The following CACNG3 variants were observed in gnomAD, a reference collection of about 807,000 sequenced individuals.
CACNG3 encodes calcium voltage-gated channel auxiliary subunit gamma 3.
Under a neutral mutation model 28.5 loss-of-function variants are expected in CACNG3, and 3 were observed. The observed-to-expected ratio is 0.11, with a 90% CI of 0.05 to 0.27. CACNG3 has a LOEUF of 0.27. CACNG3 is among the 10% of genes least tolerant of loss of function. The pLI, the probability that CACNG3 is intolerant of heterozygous loss-of-function variation, is 1.00. For missense variants in CACNG3, 236 were observed against 414.4 expected, an observed-to-expected ratio of 0.57 and a Z score of 3.74; for synonymous variants, 174 against 162.2, an observed-to-expected ratio of 1.07 and a Z score of -0.55.
At position 24,256,760 on chromosome 16, in the gene CACNG3, G is replaced by T; in HGVS notation, c.6G>T (p.Arg2Ser). The T allele has an allele frequency of 6.2e-7, 1 of 1,609,284 alleles. No individual in the cohort carries two copies. The highest frequency in any genetic ancestry group is 8.5e-7 in the Non-Finnish European group (1 of 1,175,678). Residue 2 changes from arginine to serine, a missense_variant, in exon 1 of 4, where the codon AGG becomes AGT. Arg to Ser is a moderately radical substitution (Grantham distance 110, BLOSUM62 -1). Around this residue, in one of 2 missense-constraint regions of CACNG3, gnomAD observed 120 missense variants for 263.4 expected, o/e 0.46. Coordinates refer to ENST00000005284, the MANE Select transcript of CACNG3 (RefSeq NM_006539.4). This position sits in a 1 kb window ranked among gnomAD's most constrained non-coding sequence, Gnocchi z 4.6. M[R>S]MCDRGIQMLI... The stretch of plus-strand genomic sequence containing the variant: ...CCAGAGTACCATGAAGAATTATGAG[G>T]ATGTGTGACAGAGGTATCCAGATGT...
At position 24,302,635 on chromosome 16, in the gene CACNG3, TTTTTGTTTTGTTTTG is replaced by T. The variant is rs60301738; in HGVS notation, c.212-44071_212-44057del. On this transcript the variant is annotated intron_variant, in intron 1 of 3. Transcript: ENST00000005284. ...ATGCCCAGCTAAATTTTTTTGTTTG[TTTTTGTTTTGTTTTG>T]TTTTGTTTTGTTTTGTTTTGTTTTG... is the stretch of plus-strand genomic sequence containing the variant. Among the ~76,000 whole-genome samples the T allele has an allele frequency of 7.0e-3, 1,046 of 148,754 alleles. 10 individuals carry two copies. The highest frequency in any genetic ancestry group is 0.023 in the African/African-American group (922 of 40,024).
chr16:24,338,864 T>C (rs1899744526), intron 1 of CACNG3, among the ~76,000 whole-genome samples: 1 of 152,210 alleles, frequency 6.6e-6, no homozygotes. Context: ...CTCCAGACCG[T>C]TAATCCTCTA....
chr16:24,286,579 A>G (rs1352873005), intron 1 of CACNG3, among the ~76,000 whole-genome samples: 1 of 152,184 alleles, frequency 6.6e-6, no homozygotes, highest in Non-Finnish European at 1.5e-5. Context: ...TGGCCCCCAG[A>G]GGACACTGCT....
intron 2 of CACNG3, among the ~76,000 whole-genome samples, chr16:24,352,346 A>T (rs1341000860): frequency 6.6e-6 from 1 of 151,694 alleles, no homozygotes; most frequent in East Asian, 1.9e-4. Context: ...TCCTCCATTC[A>T]CTCAGCACCT....
At chr16:24,304,475 C>A (rs985178430) in intron 1 of CACNG3, among the ~76,000 whole-genome samples, 9 of 152,092 alleles carry the variant, frequency 5.9e-5, no homozygotes, top group African/African-American at 2.2e-4. Flanking sequence ...CAAGAAATAG[C>A]ACCTGATAAG....
rs569447267 is a variant in CACNG3 at position 24,261,401 on chromosome 16, G to T, written c.211+4436G>T. 2.0e-5 allele frequency among the ~76,000 whole-genome samples: 3 copies of T among 152,280 alleles called. No individual in the cohort carries two copies. In the East Asian group the frequency reaches 5.8e-4, roughly 29 times the overall value. ...TTTACCTTGGAGAAATAGACACCAA[G>T]TGTGGCCCAATATTCCAAGTAAAGA... On this transcript the variant is annotated intron_variant, in intron 1 of 3. Coordinates refer to ENST00000005284, the MANE Select transcript of CACNG3 (RefSeq NM_006539.4).
chr16:24,349,954 C>G (rs887678094), intron 2 of CACNG3, among the ~76,000 whole-genome samples: 3 of 152,178 alleles, frequency 2.0e-5, no homozygotes, highest in African/African-American at 7.2e-5. Context: ...TTAGAAAGTC[C>G]TATTCAGACT....
At chr16:24,327,431 T>C (rs1186551966) in intron 1 of CACNG3, among the ~76,000 whole-genome samples, 1 of 67,454 alleles carries the variant, frequency 1.5e-5, no homozygotes, top group African/African-American at 6.5e-5. Context: ...TATGTGTGTG[T>C]GTGTGTGTAT....
At chr16:24,293,864 C>A (rs1408354492) in intron 1 of CACNG3, among the ~76,000 whole-genome samples, 3 of 152,116 alleles carry the variant, frequency 2.0e-5, no homozygotes, top group South Asian at 2.1e-4. Flanking sequence ...TCCTCCAAGA[C>A]CCTGCATCTG....
chr16:24,256,662 C>T lies in CACNG3; in HGVS notation c.-93C>T. On this transcript the variant is annotated 5_prime_UTR_variant, in exon 1 of 4. Coordinates refer to ENST00000005284, the MANE Select transcript of CACNG3 (RefSeq NM_006539.4). This position sits in a 1 kb window ranked among gnomAD's most constrained non-coding sequence, Gnocchi z 4.6. ...AGGAGACCTGAATTTTTGGAAGAGC[C>T]TGTACTAGGTTACCCGGCTGCAGAG... The T allele has an allele frequency of 2.4e-6, 2 of 827,046 alleles. No individual in the cohort carries two copies. The highest frequency in any genetic ancestry group is 4.2e-6 in the Non-Finnish European group (2 of 476,170). 51.2% of individuals were successfully genotyped at this position (827,046 alleles called of 1,614,324 possible).
At chr16:24,321,218 C>T (rs73556406) in intron 1 of CACNG3, among the ~76,000 whole-genome samples, 13,573 of 152,042 alleles carry the variant, frequency 0.089, 780 homozygotes, top group Admixed American at 0.19. Flanking sequence ...TTGTGTAATC[C>T]CAGCACTTTG....
intron 1 of CACNG3, among the ~76,000 whole-genome samples, chr16:24,320,002 C>G (rs932148731): frequency 6.6e-6 from 1 of 152,314 alleles, no homozygotes; most frequent in South Asian, 2.1e-4. Flanking sequence ...AACTCCTAAC[C>G]AAGTGATCTG....
chr16:24,273,512 T>C (rs1460229389), intron 1 of CACNG3, among the ~76,000 whole-genome samples: 1 of 152,238 alleles, frequency 6.6e-6, no homozygotes, highest in Non-Finnish European at 1.5e-5. Flanking sequence ...TTTTTCATCA[T>C]CAAGATTCAC....
At chr16:24,351,976 C>T (rs1000089204) in intron 2 of CACNG3, among the ~76,000 whole-genome samples, 1 of 151,724 alleles carries the variant, frequency 6.6e-6, no homozygotes, top group South Asian at 2.1e-4. Flanking sequence ...CCACCACGCC[C>T]GGCTAATTTT....
intron 1 of CACNG3, among the ~76,000 whole-genome samples, chr16:24,324,959 C>T (rs1281248052): frequency 6.6e-6 from 1 of 152,162 alleles, no homozygotes; most frequent in African/African-American, 2.4e-5. Flanking sequence ...TCACTCTGAG[C>T]CCCTTATGTT....
At chr16:24,346,883 C>T (rs1377437948) in intron 2 of CACNG3, 66 bp downstream of exon 2, 1 of 1,277,808 alleles carries the variant, frequency 7.8e-7, no homozygotes, top group African/African-American at 1.5e-5. Flanking sequence ...CACTCAGCTG[C>T]CTCTGAGTCG....
intron 1 of CACNG3, among the ~76,000 whole-genome samples, chr16:24,313,064 C>CG: frequency 1.6e-5 from 1 of 61,034 alleles, no homozygotes; most frequent in Admixed American, 1.6e-4. Context: ...AGAGAGAAAG[C>CG]GAGGGAGGGA....
Position 24,299,518 on chromosome 16 carries a change from C to A in CACNG3, c.211+42553C>A, listed in dbSNP as rs563370402. Among the ~76,000 whole-genome samples the A allele has an allele frequency of 1.8e-3, 280 of 152,244 alleles. 2 individuals are homozygous for A. The highest frequency in any genetic ancestry group is 6.5e-3 in the African/African-American group (272 of 41,538). ...TTTGACTGGAGAATGGTATTAGAAACCAAGATCTGAGTGCTGGGTGTGCTC... is the reference window on the plus strand; with the variant it reads ...TTTGACTGGAGAATGGTATTAGAAAACAAGATCTGAGTGCTGGGTGTGCTC... On this transcript the variant is annotated intron_variant, in intron 1 of 3. Coordinates refer to ENST00000005284, the MANE Select transcript of CACNG3 (RefSeq NM_006539.4).
chr16:24,300,360 C>T (rs879458131), intron 1 of CACNG3, among the ~76,000 whole-genome samples: 22 of 151,580 alleles, frequency 1.5e-4, no homozygotes, highest in African/African-American at 3.4e-4. Flanking sequence ...TGAGAAGGGG[C>T]GGGGTGAGGA....
Sources: allele counts gnomAD v4.1 joint callset (sites outside exome capture counted in the v4.1 genomes callset), GRCh38; gene constraint gnomAD v4.1.1; regional missense constraint gnomAD v4.1.1; non-coding constraint Gnocchi (gnomAD v3.1); transcripts MANE v1.5; gene names NCBI Gene and HGNC (gene_info 2026-07-23, HGNC 2026-07-21).